ITPRID1: variants seen among roughly 807,000 people sequenced by gnomAD.
The protein encoded by ITPRID1 is ITPR interacting domain containing 1, also known as protein ITPRID1.
Under a neutral mutation model 95.4 loss-of-function variants are expected in ITPRID1, and 96 were observed. That is an observed-to-expected ratio of 1.01 (90% confidence interval 0.85 to 1.19). The LOEUF is 1.19. Ranked by LOEUF, ITPRID1 falls within the 50% of genes most tolerant of loss-of-function variation. The pLI, the probability that ITPRID1 is intolerant of heterozygous loss-of-function variation, is 0.00. For synonymous variants in ITPRID1, 510 were observed against 453.6 expected (o/e 1.12, Z -1.58); for missense variants, 1,339 against 1,252.9 (o/e 1.07, Z -1.04).
At chr7:31,598,654 T>C (rs564499735) in intron 10 of ITPRID1, among the ~76,000 whole-genome samples, 81 of 152,192 alleles carry the variant, frequency 5.3e-4, no homozygotes, top group South Asian at 1.7e-3. Flanking sequence ...CCGCCCGCCT[T>C]GGCCTCCCAA....
At chr7:31,537,307 T>C (rs536141180) in intron 1 of ITPRID1, among the ~76,000 whole-genome samples, 119 of 152,270 alleles carry the variant, frequency 7.8e-4, no homozygotes, top group Middle Eastern at 3.4e-3. Context: ...CACCCCACAA[T>C]TGGTGTTTAA....
intron 10 of ITPRID1, among the ~76,000 whole-genome samples, chr7:31,603,066 T>C (rs1240956735): frequency 6.6e-6 from 1 of 152,134 alleles, no homozygotes; most frequent in African/African-American, 2.4e-5. Flanking sequence ...AAGTCGAGAA[T>C]GTCAGGTCCA....
intron 1 of ITPRID1, among the ~76,000 whole-genome samples, chr7:31,519,620 C>CTCCATATATA: frequency 7.9e-5 from 2 of 25,254 alleles, no homozygotes; most frequent in Non-Finnish European, 7.3e-5. Flanking sequence ...CTCTCTCTCT[C>CTCCATATATA]TATATATATA....
chr7:31,638,739 A>C (rs192732456), intron 10 of ITPRID1, among the ~76,000 whole-genome samples: 8 of 152,148 alleles, frequency 5.3e-5, no homozygotes, highest in African/African-American at 1.9e-4. Context: ...TTTTATAAAA[A>C]GTCATTGGTG....
intron 8 of ITPRID1, among the ~76,000 whole-genome samples, chr7:31,575,662 A>T (rs181321725): frequency 6.6e-6 from 1 of 152,332 alleles, no homozygotes; most frequent in African/African-American, 2.4e-5. Flanking sequence ...GACCTTCTCT[A>T]TAGTACAGAG....
intron 1 of ITPRID1, among the ~76,000 whole-genome samples, chr7:31,526,938 C>T (rs1783441147): frequency 6.6e-6 from 1 of 152,144 alleles, no homozygotes; most frequent in Non-Finnish European, 1.5e-5. Context: ...TCCCACTGCC[C>T]TCAGAACAAA....
chr7:31,577,919 C>T lies in ITPRID1; in HGVS notation c.655C>T (p.Leu219=), dbSNP rs1235255456. 6.2e-7 allele frequency: 1 copy of T among 1,613,418 alleles called. No homozygotes were observed. Among genetic ancestry groups the T allele is most frequent in the South Asian group, 1.1e-5 (1 of 90,980 alleles). The change falls in exon 9 of 15, where the codon CTG becomes TTG. Residue 219 remains leucine, a synonymous_variant. Coordinates refer to ENST00000615280, the MANE Select transcript of ITPRID1 (RefSeq NM_001257967.3). ...DHVTNAFSSL[L]SDVSILPNRA... is the part of the protein sequence containing the mutation. ...TGTGACCAATGCCTTCTCATCTCTGCTGAGTGATGTCAGCATCCTGCCAAA... is the reference window on the plus strand; with the variant it reads ...TGTGACCAATGCCTTCTCATCTCTGTTGAGTGATGTCAGCATCCTGCCAAA...
intron 1 of ITPRID1, among the ~76,000 whole-genome samples, chr7:31,520,075 G>C (rs1183486193): frequency 2.7e-5 from 4 of 150,940 alleles, no homozygotes; most frequent in African/African-American, 9.8e-5. Flanking sequence ...TTTTGATGAT[G>C]GTTAAATTTT....
At chr7:31,658,129 C>G, downstream of ITPRID1, 1 of 527,426 alleles carries the variant, frequency 1.9e-6, no homozygotes, top group Middle Eastern at 3.2e-4. Context: ...AAAGATGAAA[C>G]CTTGAGGGTT....
chr7:31,514,543 G>C (rs1782990707), intron 1 of ITPRID1, among the ~76,000 whole-genome samples: 1 of 152,118 alleles, frequency 6.6e-6, no homozygotes, highest in Non-Finnish European at 1.5e-5. Context: ...GGTTTTGAGA[G>C]CTAGCCAATT....
intron 5 of ITPRID1, among the ~76,000 whole-genome samples, 170 bp from the exon 6 acceptor site, chr7:31,569,588 G>A (rs1583510315): frequency 6.6e-6 from 1 of 152,138 alleles, no homozygotes; most frequent in South Asian, 2.1e-4. Context: ...GTCATACCAT[G>A]TAGCCATTAA....
At chr7:31,516,010 T>C (rs12701102) in intron 1 of ITPRID1, among the ~76,000 whole-genome samples, 68,281 of 151,976 alleles carry the variant, frequency 0.45, 15,545 homozygotes, top group Middle Eastern at 0.62. Context: ...CAACAAAATA[T>C]TAGGTTATTA....
At chr7:31,572,901 T>C (rs990347097) in intron 7 of ITPRID1, among the ~76,000 whole-genome samples, 7 of 152,328 alleles carry the variant, frequency 4.6e-5, no homozygotes, top group African/African-American at 1.7e-4. Context: ...ACCTAGAACA[T>C]GACAGATATT....
intron 10 of ITPRID1, among the ~76,000 whole-genome samples, chr7:31,610,348 C>CA (rs1021986370): frequency 6.6e-6 from 1 of 151,334 alleles, no homozygotes; most frequent in Non-Finnish European, 1.5e-5. Context: ...CTATTTAATT[C>CA]AAAAAAATGC....
chr7:31,576,740 T>A (rs145304810), intron 8 of ITPRID1, among the ~76,000 whole-genome samples: 53 of 152,262 alleles, frequency 3.5e-4, no homozygotes, highest in African/African-American at 1.2e-3. Flanking sequence ...GACGTTGCTG[T>A]GATGATGCAA....
In ITPRID1 at chr7:31,611,205, A is replaced by G. The variant is rs556058166; in HGVS notation, c.1228+28014A>G. On this transcript the variant is annotated intron_variant, in intron 10 of 14. Coordinates refer to ENST00000615280, the MANE Select transcript of ITPRID1 (RefSeq NM_001257967.3). ...GATAGGATTAGTACCAACAATTTCA[A>G]TAGCATGTTAAAAATTTTCTCCAGT... 4.6e-5 allele frequency among the ~76,000 whole-genome samples: 7 copies of G among 151,696 alleles called. No individual in the cohort carries two copies. The South Asian group carries it at 1.5e-3, about 32-fold the overall frequency.
Position 31,586,109 on chromosome 7 carries a change from G to T in ITPRID1, c.1228+2918G>T, listed in dbSNP as rs1450483512. Among the ~76,000 whole-genome samples the T allele has an allele frequency of 2.2e-5, 3 of 138,232 alleles. No individual in the cohort carries two copies. In the South Asian group the frequency reaches 7.4e-4, roughly 34 times the overall value. 90.7% of individuals were successfully genotyped at this position (138,232 alleles called of 152,430 possible). On this transcript the variant is annotated intron_variant, in intron 10 of 14. Coordinates refer to ENST00000615280, the MANE Select transcript of ITPRID1 (RefSeq NM_001257967.3). The stretch of plus-strand genomic sequence containing the variant: ...GCGGTGTTTGGTTTTTTGTTCTTGC[G>T]ATAGTTTACTGAGAATGATGATTTC...
chr7:31,650,512 T>C (rs1157254200), intron 12 of ITPRID1, among the ~76,000 whole-genome samples: 1 of 152,146 alleles, frequency 6.6e-6, no homozygotes, highest in Non-Finnish European at 1.5e-5. Context: ...TGGGAAGGAT[T>C]AAAAGCGTAG....
At chr7:31,529,732 A>T in intron 1 of ITPRID1, 1 of 1,523,960 alleles carries the variant, frequency 6.6e-7, no homozygotes, top group African/African-American at 1.4e-5. Flanking sequence ...ACATTCAAGG[A>T]GACAAAAAGG....
Sources: allele counts gnomAD v4.1 joint callset (sites outside exome capture counted in the v4.1 genomes callset), GRCh38; gene constraint gnomAD v4.1.1; transcripts MANE v1.5; gene names NCBI Gene and HGNC (gene_info 2026-07-23, HGNC 2026-07-21).